PLGRKT: variants seen among roughly 807,000 people sequenced by gnomAD.
PLGRKT encodes plasminogen receptor with a C-terminal lysine.
PLGRKT carries 22 observed loss-of-function variants against 18.5 expected under a neutral mutation model. The observed-to-expected ratio is 1.19, with a 90% CI of 0.85 to 1.70. The LOEUF is 1.70. Among genes scored for constraint, PLGRKT ranks in the 40% most tolerant of loss-of-function variants. The pLI, the probability that PLGRKT is intolerant of heterozygous loss-of-function variation, is 0.00. For synonymous variants in PLGRKT, 72 were observed against 52.8 expected, an observed-to-expected ratio of 1.36 and a Z score of -1.58; for missense variants, 235 against 174.4, an observed-to-expected ratio of 1.35 and a Z score of -1.96.
chr9:5,361,142 T>C lies in PLGRKT; in HGVS notation c.258A>G (p.Pro86=). Reference sequence around the variant, plus strand: ...ACTGGTAGGTGAGGATAAAGCTTAATGGAACAATCGGGACCAGGAAGGCTG... The same window carrying C: ...ACTGGTAGGTGAGGATAAAGCTTAACGGAACAATCGGGACCAGGAAGGCTG... ...KKPAFLVPIV[P]LSFILTYQYD... Residue 86 remains proline (P), a synonymous_variant, in exon 5 of 6, where the codon CCA becomes CCG. Transcript: ENST00000223864. 6.2e-7 allele frequency: 1 copy of C among 1,612,074 alleles called. No homozygotes were observed. Among genetic ancestry groups the C allele is most frequent in the East Asian group, 2.2e-5 (1 of 44,848 alleles).
At chr9:5,392,995 C>G (rs1817978190) in intron 3 of PLGRKT, among the ~76,000 whole-genome samples, 1 of 151,518 alleles carries the variant, frequency 6.6e-6, no homozygotes. Flanking sequence ...GTGTGTGCCA[C>G]CACACCCGGC....
At chr9:5,383,104 T>C (rs1817776989) in intron 3 of PLGRKT, among the ~76,000 whole-genome samples, 1 of 151,894 alleles carries the variant, frequency 6.6e-6, no homozygotes, top group South Asian at 2.1e-4. Flanking sequence ...ACACACAGAG[T>C]AGAGAGGCCA....
Position 5,402,715 on chromosome 9 carries a change from C to G in PLGRKT, c.81+29182G>C, listed in dbSNP as rs145127691. On this transcript the variant is annotated intron_variant, in intron 3 of 5. Transcript: ENST00000223864. ...GTTCAGGTCTCCACCCAACTTATGT[C>G]AAATAGTGATCTGAATCAGCATGAC... is the stretch of plus-strand genomic sequence containing the variant. Among the ~76,000 whole-genome samples the G allele has an allele frequency of 2.4e-4, 36 of 152,048 alleles. 1 individual carries two copies. In the East Asian group the frequency reaches 5.8e-3, roughly 24 times the overall value.
intron 3 of PLGRKT, among the ~76,000 whole-genome samples, chr9:5,367,259 T>C (rs1182429741): frequency 2.6e-5 from 4 of 152,034 alleles, no homozygotes; most frequent in African/African-American, 7.3e-5. Context: ...AAAATTCATA[T>C]GAAACCAAAA....
At chr9:5,410,483 A>G (rs1330975055) in intron 3 of PLGRKT, among the ~76,000 whole-genome samples, 1 of 149,054 alleles carries the variant, frequency 6.7e-6, no homozygotes, top group Non-Finnish European at 1.5e-5. Context: ...TGGGTAACAG[A>G]GCAAGACTCT....
chr9:5,406,093 A>T (rs191920650), intron 3 of PLGRKT, among the ~76,000 whole-genome samples: 26 of 152,348 alleles, frequency 1.7e-4, no homozygotes, highest in African/African-American at 5.5e-4. Context: ...GGAAATTATT[A>T]AAAAATCAAG....
intron 3 of PLGRKT, among the ~76,000 whole-genome samples, chr9:5,374,968 A>T (rs2131082383): frequency 6.6e-6 from 1 of 152,298 alleles, no homozygotes; most frequent in Non-Finnish European, 1.5e-5. Flanking sequence ...ACCCAGTTAC[A>T]ACCAGCAAAT....
chr9:5,399,226 A>G (rs1454676716), intron 3 of PLGRKT, among the ~76,000 whole-genome samples: 1 of 151,894 alleles, frequency 6.6e-6, no homozygotes, highest in Non-Finnish European at 1.5e-5. Context: ...GAGTAATTAA[A>G]TATTTTTTCT....
chr9:5,378,491 G>T (rs543201935), intron 3 of PLGRKT, among the ~76,000 whole-genome samples: 191 of 152,306 alleles, frequency 1.3e-3, no homozygotes, highest in Non-Finnish European at 2.1e-3. Flanking sequence ...GGATAAACCA[G>T]AAGTAAAAAG....
chr9:5,369,389 G>C (rs759669370), intron 3 of PLGRKT, among the ~76,000 whole-genome samples: 5 of 152,168 alleles, frequency 3.3e-5, no homozygotes, highest in African/African-American at 1.2e-4. Context: ...ACCACAATGA[G>C]ATACCATCTC....
chr9:5,379,044 G>C (rs964168860), intron 3 of PLGRKT, among the ~76,000 whole-genome samples: 3 of 151,826 alleles, frequency 2.0e-5, no homozygotes, highest in African/African-American at 7.3e-5. Flanking sequence ...AATACAACTA[G>C]ATAATGATTG....
At chr9:5,363,783 T>C (rs1427793756) in intron 3 of PLGRKT, among the ~76,000 whole-genome samples, 4 of 152,168 alleles carry the variant, frequency 2.6e-5, no homozygotes, top group African/African-American at 9.7e-5. Flanking sequence ...GAAAGCTGAA[T>C]TCAACTATTT....
chr9:5,377,889 G>A (rs12379788), intron 3 of PLGRKT, among the ~76,000 whole-genome samples: 1 of 152,130 alleles, frequency 6.6e-6, no homozygotes, highest in Non-Finnish European at 1.5e-5. Flanking sequence ...TCTGCACTTC[G>A]ACAGCAGACA....
At position 5,423,393 on chromosome 9, in the gene PLGRKT, G is replaced by A. The variant is rs188806881; in HGVS notation, c.81+8504C>T. Among the ~76,000 whole-genome samples, 143 of 152,238 alleles carry A rather than the reference G, an allele frequency of 9.4e-4. 1 individual carries two copies. The highest frequency in any genetic ancestry group is 2.0e-3 in the Admixed American group (31 of 15,290). ...TATGTTTCTTTTTATAATTATATTT[G>A]GAACATACTGTATCTTTTACCTGCA... On this transcript the variant is annotated intron_variant, in intron 3 of 5. Coordinates refer to ENST00000223864, the MANE Select transcript of PLGRKT (RefSeq NM_018465.4).
At chr9:5,391,197 C>G (rs1392449479) in intron 3 of PLGRKT, among the ~76,000 whole-genome samples, 1 of 151,924 alleles carries the variant, frequency 6.6e-6, no homozygotes, top group African/African-American at 2.4e-5. Flanking sequence ...TTTGAGGCAA[C>G]TTTATATGAT....
chr9:5,395,431 T>G (rs1818026063), intron 3 of PLGRKT, among the ~76,000 whole-genome samples: 1 of 151,936 alleles, frequency 6.6e-6, no homozygotes, highest in Admixed American at 6.5e-5. Context: ...AATTCTGAAG[T>G]CACTGAAATC....
chr9:5,362,363 G>A (rs1277154982), intron 3 of PLGRKT, among the ~76,000 whole-genome samples: 1 of 152,130 alleles, frequency 6.6e-6, no homozygotes, highest in Admixed American at 6.5e-5. Context: ...GTGTTGTTTT[G>A]AGACATCTAT....
intron 3 of PLGRKT, among the ~76,000 whole-genome samples, chr9:5,394,786 T>C (rs140258534): frequency 1.3e-4 from 20 of 151,734 alleles, no homozygotes; most frequent in African/African-American, 3.9e-4. Context: ...AAATTCACCA[T>C]AGTTTCCTGT....
At chr9:5,400,625 T>A (rs1331487019) in intron 3 of PLGRKT, among the ~76,000 whole-genome samples, 4 of 151,972 alleles carry the variant, frequency 2.6e-5, no homozygotes, top group Admixed American at 6.5e-5. Context: ...AAAAGCACTG[T>A]GTAAAATAAT....
Sources: gnomAD v4.1 joint callset for allele counts (sites outside exome capture counted in the v4.1 genomes callset) on GRCh38, gnomAD v4.1.1 for gene constraint, MANE v1.5 for transcripts, NCBI Gene and HGNC (gene_info 2026-07-23, HGNC 2026-07-21) for gene names.